CPLX1: variants seen among roughly 807,000 people sequenced by gnomAD.
The protein encoded by CPLX1 is complexin-1.
In CPLX1, 6 loss-of-function variants were observed where a neutral mutation model predicts 15.6. The observed-to-expected ratio is 0.39, with a 90% CI of 0.21 to 0.76. CPLX1 has a LOEUF of 0.76. Among genes scored for constraint, CPLX1 ranks in the 30% least tolerant of loss-of-function variants. The probability of loss-of-function intolerance (pLI) is 0.43; values close to 1 mark genes in which losing one functional copy is unlikely to be tolerated. For synonymous variants in CPLX1, 91 were observed against 75.2 expected (o/e 1.21, Z -1.08); for missense variants, 242 against 188.6 (o/e 1.28, Z -1.66).
intron 3 of CPLX1, among the ~76,000 whole-genome samples, chr4:791,924 G>A (rs895926913): frequency 2.0e-5 from 3 of 152,216 alleles, no homozygotes; most frequent in African/African-American, 4.8e-5. Flanking sequence ...TCGGGACCCA[G>A]GCTGCTCCCT....
At chr4:804,668 T>G (rs1019670515) in intron 2 of CPLX1, 123 of 912,880 alleles carry the variant, frequency 1.3e-4, no homozygotes, top group Non-Finnish European at 1.5e-4. Flanking sequence ...TTGTTCTTTT[T>G]GGGGCTTTGG....
intron 2 of CPLX1, among the ~76,000 whole-genome samples, chr4:823,932 C>G (rs1317853026): frequency 6.6e-6 from 1 of 152,246 alleles, no homozygotes; most frequent in African/African-American, 2.4e-5. Flanking sequence ...CTGTTTCGGG[C>G]CTTTTCCTTC....
chr4:787,951 C>A, intron 3 of CPLX1: 1 of 985,272 alleles, frequency 1.0e-6, no homozygotes, highest in African/African-American at 1.7e-5. Context: ...CTGAACAGGA[C>A]CCCCGGGCCA....
chr4:800,752 TATAC>T (rs1746438619), intron 2 of CPLX1, among the ~76,000 whole-genome samples: 1 of 136,302 alleles, frequency 7.3e-6, no homozygotes, highest in African/African-American at 2.7e-5. Context: ...TATATATATA[TATAC>T]ACACACATAT....
intron 2 of CPLX1, among the ~76,000 whole-genome samples, chr4:808,374 G>A (rs1000738929): frequency 3.3e-5 from 5 of 152,098 alleles, no homozygotes; most frequent in African/African-American, 7.2e-5. Flanking sequence ...TGGATGTATC[G>A]AGGCCTCAAT....
At chr4:822,470 C>T (rs546667816) in intron 2 of CPLX1, among the ~76,000 whole-genome samples, 31 of 152,310 alleles carry the variant, frequency 2.0e-4, no homozygotes, top group Admixed American at 1.8e-3. Context: ...TTTCACCTGT[C>T]TGTCCCTGTG....
intron 2 of CPLX1, among the ~76,000 whole-genome samples, chr4:803,114 G>T (rs962927518): frequency 1.3e-4 from 20 of 152,088 alleles, no homozygotes; most frequent in Non-Finnish European, 2.6e-4. Flanking sequence ...AAATTTAAAA[G>T]AAACAAAACA....
intron 2 of CPLX1, among the ~76,000 whole-genome samples, chr4:822,295 G>A (rs201016775): frequency 7.4e-6 from 1 of 134,856 alleles, no homozygotes. Context: ...TTGTCTGTCT[G>A]TCTCTCTGTA....
chr4:817,458 T>G (rs1013862091), intron 2 of CPLX1, among the ~76,000 whole-genome samples: 6 of 151,172 alleles, frequency 4.0e-5, no homozygotes, highest in African/African-American at 1.5e-4. Flanking sequence ...CTCAGGAGGC[T>G]GAGGCAGGAG....
At chr4:817,850 A>C (rs1746790273) in intron 2 of CPLX1, among the ~76,000 whole-genome samples, 1 of 152,098 alleles carries the variant, frequency 6.6e-6, no homozygotes, top group Non-Finnish European at 1.5e-5. Context: ...TGTTCCCACC[A>C]GCCGTGAGGG....
chr4:803,260 C>T (rs1441284558), intron 2 of CPLX1, among the ~76,000 whole-genome samples: 2 of 152,206 alleles, frequency 1.3e-5, no homozygotes, highest in Non-Finnish European at 2.9e-5. Flanking sequence ...TGCGCTGTTT[C>T]GAAGGGTCCA....
intron 2 of CPLX1, 69 bp downstream of exon 2, chr4:824,423 A>T (rs1252559500): frequency 7.9e-6 from 11 of 1,399,818 alleles, no homozygotes; most frequent in Non-Finnish European, 9.1e-6. Flanking sequence ...GGGCCAGATG[A>T]GGAGCAGCTG....
intron 3 of CPLX1, chr4:788,277 C>T (rs1370140658): frequency 2.0e-6 from 2 of 985,168 alleles, no homozygotes; most frequent in African/African-American, 1.7e-5. Context: ...GTGTGCTCCC[C>T]AACCCCACCG....
At chr4:796,692 CTTG>C (rs775590509) in intron 2 of CPLX1, among the ~76,000 whole-genome samples, 5 of 152,180 alleles carry the variant, frequency 3.3e-5, no homozygotes, top group Non-Finnish European at 7.3e-5. Flanking sequence ...AAGAAAGACA[CTTG>C]TTATTTTTCT....
chr4:824,054 T>C (rs1049366017), intron 2 of CPLX1, among the ~76,000 whole-genome samples: 1 of 152,038 alleles, frequency 6.6e-6, no homozygotes, highest in African/African-American at 2.4e-5. Context: ...CGCCTGTCCC[T>C]GAGGCTGCCA....
intron 2 of CPLX1, among the ~76,000 whole-genome samples, chr4:795,115 A>T (rs550713025): frequency 8.5e-4 from 129 of 152,292 alleles, no homozygotes; most frequent in African/African-American, 2.9e-3. Context: ...AGCGTCACAG[A>T]TGCCGCCCAC....
In CPLX1 at chr4:785,442, C is replaced by A. The variant is rs780255561; in HGVS notation, c.*1059G>T. On this transcript the variant is annotated 3_prime_UTR_variant, in exon 4 of 4. Coordinates refer to ENST00000304062, the MANE Select transcript of CPLX1 (RefSeq NM_006651.4). ...CATTTTTGATGTGGACGAAAGGGCC[C>A]GGGGGCGAGGCGGCGCCTGTCAAGA... 2.6e-5 allele frequency: 4 copies of A among 152,742 alleles called. No individual in the cohort carries two copies. The allele number at this position is 152,742 out of a possible 1,614,324, so 9.5% of individuals were successfully genotyped here.
At position 820,148 on chromosome 4, in the gene CPLX1, G is replaced by A. The variant is rs570637679; in HGVS notation, c.31+4344C>T. On this transcript the variant is annotated intron_variant, in intron 2 of 3. Transcript: ENST00000304062. Reference sequence around the variant, plus strand: ...GCTCAGCCCAGCCTGCAGCTCCACCGTCCTCCCGGACCCAGCTCAGCCCAG... The same window carrying A: ...GCTCAGCCCAGCCTGCAGCTCCACCATCCTCCCGGACCCAGCTCAGCCCAG... Among the ~76,000 whole-genome samples the A allele has an allele frequency of 2.5e-4, 38 of 152,116 alleles. No individual in the cohort carries two copies. In the South Asian group the frequency reaches 7.3e-3, roughly 29 times the overall value.
intron 1 of CPLX1, among the ~76,000 whole-genome samples, chr4:825,500 C>G (rs1292138366): frequency 6.6e-6 from 1 of 151,838 alleles, no homozygotes; most frequent in Non-Finnish European, 1.5e-5. Context: ...AAGGAGGGCA[C>G]GGCCGGGCCC....
Sources: allele counts gnomAD v4.1 joint callset (sites outside exome capture counted in the v4.1 genomes callset), GRCh38; gene constraint gnomAD v4.1.1; transcripts MANE v1.5; gene names NCBI Gene and HGNC (gene_info 2026-07-23, HGNC 2026-07-21).